The following CCDC6 variants were observed in gnomAD, a reference collection of about 807,000 sequenced individuals.
CCDC6 encodes coiled-coil domain-containing protein 6.
In CCDC6, 20 loss-of-function variants were observed where a neutral mutation model predicts 56.6. The observed-to-expected ratio is 0.35, with a 90% CI of 0.25 to 0.51. CCDC6 has a LOEUF of 0.51. CCDC6 is among the 20% of genes least tolerant of loss of function. The probability of loss-of-function intolerance (pLI) is 0.95; values close to 1 mark genes in which losing one functional copy is unlikely to be tolerated. For missense variants in CCDC6, 367 were observed against 601.1 expected (o/e 0.61, Z 4.07); for synonymous variants, 241 against 234.4 (o/e 1.03, Z -0.26).
intron 7 of CCDC6, among the ~76,000 whole-genome samples, chr10:59,800,236 CTT>C (rs1167388057): frequency 6.6e-6 from 1 of 152,200 alleles, no homozygotes; most frequent in African/African-American, 2.4e-5. Flanking sequence ...AAGGCACAGA[CTT>C]TGTGTGGATT....
At chr10:59,810,024 T>C (rs1325608870) in intron 5 of CCDC6, among the ~76,000 whole-genome samples, 1 of 152,200 alleles carries the variant, frequency 6.6e-6, no homozygotes, top group Non-Finnish European at 1.5e-5. Flanking sequence ...GCCCAGACTA[T>C]ACCCCAAGCC....
chr10:59,856,684 G>A (rs760331802), intron 1 of CCDC6, among the ~76,000 whole-genome samples: 9 of 152,154 alleles, frequency 5.9e-5, no homozygotes, highest in Admixed American at 2.6e-4. Context: ...AAGGTGCACA[G>A]AGGGAAGAAA....
chr10:59,816,499 C>T (rs1414830727), intron 3 of CCDC6, among the ~76,000 whole-genome samples: 1 of 152,140 alleles, frequency 6.6e-6, no homozygotes, highest in Non-Finnish European at 1.5e-5. Flanking sequence ...GAGCCAAATG[C>T]CTAGGTTCAA....
intron 1 of CCDC6, among the ~76,000 whole-genome samples, chr10:59,869,595 T>C (rs867634045): frequency 6.6e-6 from 1 of 152,100 alleles, no homozygotes; most frequent in African/African-American, 2.4e-5. Flanking sequence ...TTGCCTTTGC[T>C]CCAGCCACTA....
In CCDC6 at chr10:59,789,228, G is replaced by C. The variant is rs113746220; in HGVS notation, c.*3689C>G. ...TAGATGACGGTGCAGACTAAGTCAAGAACTAAAGTTGTGCAGTAACCCGAG... is the reference window on the plus strand; with the variant it reads ...TAGATGACGGTGCAGACTAAGTCAACAACTAAAGTTGTGCAGTAACCCGAG... On this transcript the variant is annotated 3_prime_UTR_variant, in exon 9 of 9. Coordinates refer to ENST00000263102, the MANE Select transcript of CCDC6 (RefSeq NM_005436.5). The C allele has an allele frequency of 4.3e-6, 1 of 231,184 alleles. No individual in the cohort carries two copies. The highest frequency in any genetic ancestry group is 8.6e-6 in the Non-Finnish European group (1 of 116,638). The allele number at this position is 231,184 out of a possible 1,614,324, so 14.3% of individuals were successfully genotyped here.
chr10:59,842,085 C>T (rs952661712), intron 2 of CCDC6, among the ~76,000 whole-genome samples: 4 of 151,982 alleles, frequency 2.6e-5, no homozygotes, highest in African/African-American at 9.7e-5. Context: ...CTCTGTTGCC[C>T]AGGCTAGAGT....
At chr10:59,841,003 A>C (rs1426165786) in intron 2 of CCDC6, among the ~76,000 whole-genome samples, 2 of 152,198 alleles carry the variant, frequency 1.3e-5, no homozygotes, top group Admixed American at 1.3e-4. Context: ...ATGTAGGATC[A>C]TTTTGCTACT....
At chr10:59,841,834 A>AT (rs1270988232) in intron 2 of CCDC6, among the ~76,000 whole-genome samples, 3 of 151,154 alleles carry the variant, frequency 2.0e-5, no homozygotes, top group South Asian at 2.1e-4. Context: ...CGCCCGGCTA[A>AT]TTTTTTGTAA....
chr10:59,902,243 C>A (rs929613246), intron 1 of CCDC6, among the ~76,000 whole-genome samples: 12 of 152,088 alleles, frequency 7.9e-5, no homozygotes, highest in African/African-American at 2.9e-4. Context: ...CGCTTACATA[C>A]CAGAAGAGAC....
intron 2 of CCDC6, among the ~76,000 whole-genome samples, chr10:59,841,189 A>C (rs899953160): frequency 6.6e-6 from 1 of 152,186 alleles, no homozygotes; most frequent in African/African-American, 2.4e-5. Context: ...CTGCTTCTCC[A>C]ACATGGCAGG....
At chr10:59,794,636 A>G in intron 7 of CCDC6, 39 bp from the exon 8 acceptor site, 1 of 1,598,412 alleles carries the variant, frequency 6.3e-7, no homozygotes, top group Non-Finnish European at 8.6e-7. Flanking sequence ...TTTTAAGCTC[A>G]ACTATCTGGT....
intron 1 of CCDC6, among the ~76,000 whole-genome samples, chr10:59,860,917 G>A (rs1387751089): frequency 1.3e-5 from 2 of 152,120 alleles, no homozygotes; most frequent in Non-Finnish European, 2.9e-5. Context: ...GGGTATGGCT[G>A]GGCACGGTGA....
Position 59,790,791 on chromosome 10 carries a change from G to A in CCDC6, c.*2126C>T. 4.7e-6 allele frequency: 1 copy of A among 214,354 alleles called. No individual in the cohort carries two copies. 13.3% of individuals were successfully genotyped at this position (214,354 alleles called of 1,614,324 possible). On this transcript the variant is annotated 3_prime_UTR_variant, in exon 9 of 9. Coordinates refer to ENST00000263102, the MANE Select transcript of CCDC6 (RefSeq NM_005436.5). ...CAGGAAATGTTCGCTCACTCCAAGT[G>A]CTTTTTAAAAATTCAACATATGGCA...
intron 7 of CCDC6, among the ~76,000 whole-genome samples, chr10:59,797,155 A>G (rs963287075): frequency 1.3e-5 from 2 of 152,176 alleles, no homozygotes; most frequent in African/African-American, 4.8e-5. Flanking sequence ...CAGTCACAGA[A>G]GGACAAATCC....
At chr10:59,869,409 A>C (rs1469759824) in intron 1 of CCDC6, among the ~76,000 whole-genome samples, 2 of 96,760 alleles carry the variant, frequency 2.1e-5, no homozygotes, top group South Asian at 3.5e-4. Flanking sequence ...AAAAAAAAAA[A>C]AAAAAAAAAA....
intron 1 of CCDC6, among the ~76,000 whole-genome samples, chr10:59,877,609 A>G (rs1398818333): frequency 3.3e-5 from 5 of 152,224 alleles, no homozygotes; most frequent in Non-Finnish European, 7.3e-5. Context: ...TTTGTGGAGC[A>G]AGAGAGACAG....
chr10:59,793,334 C>T (rs2070484716), intron 8 of CCDC6, among the ~76,000 whole-genome samples: 1 of 152,210 alleles, frequency 6.6e-6, no homozygotes, highest in Non-Finnish European at 1.5e-5. Context: ...AATTACTGCA[C>T]AACTTGTGTT....
chr10:59,892,907 C>A (rs1259977356), intron 1 of CCDC6, among the ~76,000 whole-genome samples: 1 of 151,854 alleles, frequency 6.6e-6, no homozygotes, highest in East Asian at 1.9e-4. Flanking sequence ...TTCACGTCAT[C>A]CCGCTGCCCA....
At chr10:59,796,210 C>T (rs1412724469) in intron 7 of CCDC6, among the ~76,000 whole-genome samples, 2 of 151,884 alleles carry the variant, frequency 1.3e-5, no homozygotes, top group Non-Finnish European at 2.9e-5. Context: ...TTTTGATTTG[C>T]ATTTCTCTGA....
Sources: allele counts gnomAD v4.1 joint callset (sites outside exome capture counted in the v4.1 genomes callset), GRCh38; gene constraint gnomAD v4.1.1; transcripts MANE v1.5; gene names NCBI Gene and HGNC (gene_info 2026-07-23, HGNC 2026-07-21).